TANC2: variants seen among roughly 807,000 people sequenced by gnomAD.
The protein encoded by TANC2 is tetratricopeptide repeat, ankyrin repeat and coiled-coil containing 2, also known as protein TANC2.
In TANC2, 26 loss-of-function variants were observed where a neutral mutation model predicts 210.5. The observed-to-expected ratio is 0.12, with a 90% CI of 0.09 to 0.17. TANC2 has a LOEUF of 0.17. Among genes scored for constraint, TANC2 ranks in the 10% least tolerant of loss-of-function variants. The pLI is 1.00. For synonymous variants in TANC2, 931 were observed against 967.1 expected, an observed-to-expected ratio of 0.96 and a Z score of 0.69; for missense variants, 2,129 against 2,608.9, an observed-to-expected ratio of 0.82 and a Z score of 4.01.
intron 5 of TANC2, among the ~76,000 whole-genome samples, chr17:63,163,184 T>A (rs891534282): frequency 5.9e-5 from 9 of 151,876 alleles, no homozygotes; most frequent in African/African-American, 1.9e-4. Flanking sequence ...ACCAATAGGC[T>A]CAAAGAAATG....
At chr17:63,383,141 C>T (rs2147104249) in intron 15 of TANC2, among the ~76,000 whole-genome samples, 1 of 152,242 alleles carries the variant, frequency 6.6e-6, no homozygotes, top group Non-Finnish European at 1.5e-5. Flanking sequence ...CACAATTTTC[C>T]CTATTATTAA....
At chr17:63,410,160 T>C (rs1056858246) in intron 21 of TANC2, among the ~76,000 whole-genome samples, 1 of 152,164 alleles carries the variant, frequency 6.6e-6, no homozygotes, top group Non-Finnish European at 1.5e-5. Flanking sequence ...CTGGTGAAAA[T>C]GCTTAAAATG....
At chr17:63,054,191 T>C (rs1311033069) in intron 2 of TANC2, among the ~76,000 whole-genome samples, 2 of 152,194 alleles carry the variant, frequency 1.3e-5, no homozygotes, top group Non-Finnish European at 2.9e-5. Context: ...GATAATGTTA[T>C]AAAGATTTTA....
At chr17:63,165,675 T>C (rs1487975750) in intron 5 of TANC2, among the ~76,000 whole-genome samples, 7 of 152,246 alleles carry the variant, frequency 4.6e-5, no homozygotes, top group Admixed American at 4.6e-4. Context: ...AAAATAAATT[T>C]GTCATTTAGA....
At chr17:63,176,053 A>G (rs1598531874) in intron 5 of TANC2, among the ~76,000 whole-genome samples, 1 of 152,238 alleles carries the variant, frequency 6.6e-6, no homozygotes, top group Non-Finnish European at 1.5e-5. Context: ...CTCACTGCCA[A>G]GTGTTGGCGA....
At chr17:63,053,606 C>T (rs1237359419) in intron 2 of TANC2, among the ~76,000 whole-genome samples, 1 of 152,122 alleles carries the variant, frequency 6.6e-6, no homozygotes, top group Admixed American at 6.5e-5. Flanking sequence ...CATGCAGTTT[C>T]ATAGTTTAAA....
intron 14 of TANC2, among the ~76,000 whole-genome samples, chr17:63,366,034 G>A (rs1414537711): frequency 6.6e-6 from 1 of 151,942 alleles, no homozygotes; most frequent in Non-Finnish European, 1.5e-5. Flanking sequence ...TAGAGTGCCT[G>A]GAACACAGTA....
At chr17:63,106,662 C>T (rs2037835816) in intron 4 of TANC2, among the ~76,000 whole-genome samples, 1 of 151,684 alleles carries the variant, frequency 6.6e-6, no homozygotes, top group Admixed American at 6.6e-5. Context: ...GAGCCTTTGC[C>T]ACTGCGTATA....
Position 63,223,946 on chromosome 17 carries a change from A to G in TANC2, c.770-13868A>G, listed in dbSNP as rs557293657. On this transcript the variant is annotated intron_variant, in intron 7 of 27. Transcript: ENST00000689528. ...ATAGTTAACCTAACACATAGCCACAATTTTCTTTGGGTGAGAATCAGAGGA... is the reference window on the plus strand; with the variant it reads ...ATAGTTAACCTAACACATAGCCACAGTTTTCTTTGGGTGAGAATCAGAGGA... 3.3e-5 allele frequency among the ~76,000 whole-genome samples: 5 copies of G among 152,152 alleles called. 1 individual carries two copies. Among genetic ancestry groups the G allele is most frequent in the South Asian group, 4.2e-4 (2 of 4,804 alleles).
rs1177339909 is a variant in TANC2 at position 63,098,478 on chromosome 17, ACATACACTCTCTCT to A, written c.140-695_140-682del. 4.8e-3 allele frequency among the ~76,000 whole-genome samples: 147 copies of A among 30,886 alleles called. 3 individuals carry two copies. The highest frequency in any genetic ancestry group is 0.023 in the African/African-American group (133 of 5,850). 20.3% of individuals were successfully genotyped at this position (30,886 alleles called of 152,430 possible). On this transcript the variant is annotated intron_variant, in intron 3 of 27. Transcript: ENST00000689528. ...CACACACACACACACACACACACAC[ACATACACTCTCTCT>A]CTCTCTCTCTCTCTCTCTGTGTGTA...
At chr17:63,066,346 G>A (rs1462174001) in intron 2 of TANC2, among the ~76,000 whole-genome samples, 1 of 152,050 alleles carries the variant, frequency 6.6e-6, no homozygotes, top group Non-Finnish European at 1.5e-5. Context: ...GGTATGTGGG[G>A]CCAGCCTGGT....
intron 5 of TANC2, among the ~76,000 whole-genome samples, chr17:63,164,832 GGAC>G (rs2040156403): frequency 6.6e-6 from 1 of 152,124 alleles, no homozygotes; most frequent in Admixed American, 6.5e-5. Context: ...TCAGCAGATT[GGAC>G]AATGTCCATT....
intron 1 of TANC2, among the ~76,000 whole-genome samples, chr17:62,971,906 C>A (rs970384108): frequency 6.6e-6 from 1 of 152,202 alleles, no homozygotes; most frequent in African/African-American, 2.4e-5. Context: ...CTCTGCCCCC[C>A]TACCCTCTGG....
At chr17:63,316,176 T>G (rs1389531134) in intron 10 of TANC2, among the ~76,000 whole-genome samples, 2 of 152,258 alleles carry the variant, frequency 1.3e-5, no homozygotes, top group East Asian at 3.8e-4. Context: ...TGGTTAAAAG[T>G]AACTTTCCAC....
chr17:63,067,449 T>C (rs993376470), intron 2 of TANC2, among the ~76,000 whole-genome samples: 7 of 152,008 alleles, frequency 4.6e-5, no homozygotes, highest in African/African-American at 1.7e-4. Flanking sequence ...AATTTTTATC[T>C]CTCATGTATG....
At chr17:63,324,162 G>A (rs1303610506) in intron 11 of TANC2, among the ~76,000 whole-genome samples, 3 of 152,210 alleles carry the variant, frequency 2.0e-5, no homozygotes, top group Non-Finnish European at 4.4e-5. Flanking sequence ...CATTAAGCAA[G>A]TTGTCACTGA....
At chr17:63,249,786 C>T (rs1032138910) in intron 8 of TANC2, among the ~76,000 whole-genome samples, 4 of 152,208 alleles carry the variant, frequency 2.6e-5, no homozygotes, top group African/African-American at 9.6e-5. Flanking sequence ...AGAATGGCTT[C>T]TTGCCCAGGC....
intron 25 of TANC2, 108 bp downstream of exon 25, chr17:63,413,742 G>T: frequency 9.8e-7 from 1 of 1,015,482 alleles, no homozygotes; most frequent in South Asian, 1.6e-5. Context: ...AGAGGCAAAG[G>T]GAAACTACTG....
rs561906049 is a variant in TANC2 at position 63,348,724 on chromosome 17, A to G, written c.1808-2526A>G. 1.1e-4 allele frequency among the ~76,000 whole-genome samples: 17 copies of G among 152,214 alleles called. No individual in the cohort carries two copies. The South Asian group carries it at 3.5e-3, about 32-fold the overall frequency. ...AGCAGCAATCCTTTGTTAGTCCCCA[A>G]TTTATTTTTATTTGTAAATTTTTTT... On this transcript the variant is annotated intron_variant, in intron 12 of 27. Coordinates refer to ENST00000689528, the Ensembl canonical transcript of TANC2.
Sources: gnomAD v4.1 joint callset for allele counts (sites outside exome capture counted in the v4.1 genomes callset) on GRCh38, gnomAD v4.1.1 for gene constraint, MANE v1.5 for transcripts, NCBI Gene and HGNC (gene_info 2026-07-23, HGNC 2026-07-21) for gene names.